Variants in EPB41 observed in about 807,000 individuals in gnomAD.
EPB41 encodes the protein protein 4.1.
A neutral mutation model predicts 108.0 loss-of-function variants in EPB41; 65 were observed. The observed-to-expected ratio is 0.60, with a 90% CI of 0.49 to 0.74. The LOEUF (loss-of-function observed/expected upper bound fraction) is 0.74. EPB41 is among the 30% of genes least tolerant of loss of function. The pLI is 0.00. For missense variants in EPB41, 875 were observed against 1,037.0 expected (o/e 0.84, Z 2.15); for synonymous variants, 336 against 358.9 (o/e 0.94, Z 0.72).
At position 29,101,397 on chromosome 1, in the gene EPB41, G is replaced by T. The variant is rs141317417; in HGVS notation, c.2313+3462G>T. 3.1e-3 allele frequency among the ~76,000 whole-genome samples: 469 copies of T among 152,312 alleles called. 3 individuals are homozygous for T. The highest frequency in any genetic ancestry group is 0.011 in the African/African-American group (444 of 41,570). ...ATTGCAAGCTTTGGAGGAAAATTAG[G>T]TGAAATGATGTCTGCAAAGCACTGG... On this transcript the variant is annotated intron_variant, in intron 17 of 20. Coordinates refer to ENST00000343067, the MANE Select transcript of EPB41 (RefSeq NM_001376013.1).
chr1:29,032,832 C>T (rs2096806543), intron 8 of EPB41, among the ~76,000 whole-genome samples: 1 of 152,088 alleles, frequency 6.6e-6, no homozygotes, highest in African/African-American at 2.4e-5. Flanking sequence ...GCTGTTAACA[C>T]TTTATCATAA....
At chr1:29,096,751 C>A in intron 16 of EPB41, 1 of 235,966 alleles carries the variant, frequency 4.2e-6, no homozygotes, top group Non-Finnish European at 6.9e-6. Flanking sequence ...TTTGATTGTG[C>A]CAAAGAAATT....
intron 1 of EPB41, among the ~76,000 whole-genome samples, chr1:28,896,825 C>G (rs1270031690): frequency 1.3e-5 from 2 of 151,466 alleles, no homozygotes; most frequent in Non-Finnish European, 2.9e-5. Flanking sequence ...GGATAAGGAG[C>G]AGCGATGTGA....
chr1:28,891,733 T>C (rs894439717), intron 1 of EPB41, among the ~76,000 whole-genome samples: 5 of 152,144 alleles, frequency 3.3e-5, no homozygotes, highest in Non-Finnish European at 7.3e-5. Flanking sequence ...GGTGGGAGCA[T>C]TTCTGACAGC....
chr1:29,115,813 G>A lies in EPB41; in HGVS notation c.*6+10G>A, dbSNP rs201492278. The stretch of plus-strand genomic sequence containing the variant: ...TGATGAGTGAGCTCAGGTACTGGGC[G>A]TTCCTGCTGGGGCTGAGGGTGCCCA... On this transcript the variant is annotated intron_variant, in intron 20 of 20. Transcript: ENST00000343067. This position sits in a 1 kb window ranked among gnomAD's most constrained non-coding sequence, Gnocchi z 4.4. 5.7e-4 allele frequency: 919 copies of A among 1,605,794 alleles called. 7 individuals are homozygous for A. In the South Asian group the frequency reaches 5.8e-3, roughly 10 times the overall value.
chr1:29,058,764 G>C, intron 13 of EPB41, 47 bp from the exon 14 acceptor site: 1 of 1,532,340 alleles, frequency 6.5e-7, no homozygotes, highest in Non-Finnish European at 8.8e-7. Flanking sequence ...ACTTCAATGA[G>C]CAACATTTTA....
intron 4 of EPB41, among the ~76,000 whole-genome samples, chr1:29,001,509 A>G (rs1487940760): frequency 6.6e-6 from 1 of 152,136 alleles, no homozygotes; most frequent in African/African-American, 2.4e-5. Context: ...GTGTTTTGAT[A>G]GAGTGCTACT....
intron 1 of EPB41, among the ~76,000 whole-genome samples, chr1:28,952,476 A>T: frequency 6.6e-6 from 1 of 152,180 alleles, no homozygotes; most frequent in East Asian, 1.9e-4. Context: ...CAGTGAGCCA[A>T]TATGGCACCA....
intron 1 of EPB41, among the ~76,000 whole-genome samples, chr1:28,981,421 A>G (rs1463466237): frequency 6.6e-6 from 1 of 152,240 alleles, no homozygotes; most frequent in African/African-American, 2.4e-5. Context: ...CTCTAAAAGG[A>G]AAAAAGCAGC....
chr1:29,100,510 T>C (rs1664954561), intron 17 of EPB41, among the ~76,000 whole-genome samples: 1 of 146,840 alleles, frequency 6.8e-6, no homozygotes, highest in South Asian at 2.2e-4. Context: ...TGCATTGCAA[T>C]TAGAAAAAAG....
rs115977503 is a variant in EPB41, at chr1:29,008,262, G to A, written c.787-3603G>A. Among the ~76,000 whole-genome samples, 878 of 152,222 alleles carry A rather than the reference G, an allele frequency of 5.8e-3. 8 individuals are homozygous for A. The highest frequency in any genetic ancestry group is 0.02 in the African/African-American group (837 of 41,530). Reference sequence around the variant, plus strand: ...CATCCCATTTACTTAGTCACAAATCGTAATAGCTTTAACTCTTAATTTTTT... The same window carrying A: ...CATCCCATTTACTTAGTCACAAATCATAATAGCTTTAACTCTTAATTTTTT... On this transcript the variant is annotated intron_variant, in intron 4 of 20. Coordinates refer to ENST00000343067, the MANE Select transcript of EPB41 (RefSeq NM_001376013.1).
At chr1:29,074,628 CCATA>C (rs1052933589) in intron 16 of EPB41, among the ~76,000 whole-genome samples, 1 of 152,138 alleles carries the variant, frequency 6.6e-6, no homozygotes, top group Non-Finnish European at 1.5e-5. Context: ...AGTTAGGAAG[CCATA>C]CAAAGTTAGG....
chr1:29,048,247 T>G (rs1643871228), intron 11 of EPB41, among the ~76,000 whole-genome samples: 1 of 151,950 alleles, frequency 6.6e-6, no homozygotes, highest in African/African-American at 2.4e-5. Flanking sequence ...GGAGTTTTGC[T>G]CTCGTTGCCT....
Position 28,887,990 on chromosome 1 carries a change from C to G in EPB41, c.-8+780C>G, listed in dbSNP as rs1304702325. ...AAGAATTGTCTCGCCCTCACCTACA[C>G]TTCCCGGCAGGCCCCACCTCTTCAG... On this transcript the variant is annotated intron_variant, in intron 1 of 16. Transcript: ENST00000347529. The surrounding 1 kb of genome is among the most constrained non-coding windows in gnomAD (Gnocchi z 4.9). 1.3e-5 allele frequency among the ~76,000 whole-genome samples: 2 copies of G among 152,226 alleles called. No homozygotes were observed.
At position 29,109,633 on chromosome 1, in the gene EPB41, G is replaced by A; in HGVS notation, c.2415+196G>A. The A allele has an allele frequency of 6.3e-6, 4 of 632,502 alleles. No individual in the cohort carries two copies. The East Asian group carries it at 8.4e-5, about 13-fold the overall frequency. The allele number at this position is 632,502 out of a possible 1,614,324, so 39.2% of individuals were successfully genotyped here. Reference sequence around the variant, plus strand: ...ATAAATCTAGGGAGATACCCTGAGAGTATCCCTGCCTACTTAGTAGTCTCC... The same window carrying A: ...ATAAATCTAGGGAGATACCCTGAGAATATCCCTGCCTACTTAGTAGTCTCC... On this transcript the variant is annotated intron_variant, in intron 18 of 20. Transcript: ENST00000343067.
Position 29,005,059 on chromosome 1 carries a change from CT to C in EPB41, c.787-6805del, listed in dbSNP as rs563557221. Among the ~76,000 whole-genome samples, 37 of 152,186 alleles carry C rather than the reference CT, an allele frequency of 2.4e-4. 1 individual carries two copies. The South Asian group carries it at 7.5e-3, about 31-fold the overall frequency. ...TGCCGAAGATATGAAAGGTGTTAGT[CT>C]GTTCTTGCACTGCTATAAAGAAATA... On this transcript the variant is annotated intron_variant, in intron 4 of 20. Coordinates refer to ENST00000343067, the MANE Select transcript of EPB41 (RefSeq NM_001376013.1).
chr1:29,091,643 A>G (rs1661221680), intron 16 of EPB41, among the ~76,000 whole-genome samples: 1 of 152,212 alleles, frequency 6.6e-6, no homozygotes, highest in Non-Finnish European at 1.5e-5. Flanking sequence ...AGAACCCTAT[A>G]AGTCAAACCA....
intron 4 of EPB41, among the ~76,000 whole-genome samples, chr1:29,000,806 A>G (rs1478328267): frequency 6.6e-6 from 1 of 152,114 alleles, no homozygotes; most frequent in Non-Finnish European, 1.5e-5. Flanking sequence ...CCTCCAGCTC[A>G]GAAGTAAGTC....
At chr1:28,985,932 A>C (rs1422130827) in intron 1 of EPB41, 1 of 149,580 alleles carries the variant, frequency 6.7e-6, no homozygotes, top group South Asian at 2.2e-4. Flanking sequence ...TGCACCCACT[A>C]ACGTGTCATC....
Sources: gnomAD v4.1 joint callset for allele counts (sites outside exome capture counted in the v4.1 genomes callset) on GRCh38, gnomAD v4.1.1 for gene constraint, Gnocchi (gnomAD v3.1) non-coding constraint, MANE v1.5 for transcripts, NCBI Gene and HGNC (gene_info 2026-07-23, HGNC 2026-07-21) for gene names.